Variants in DLGAP2 observed in about 807,000 individuals in gnomAD.
DLGAP2 encodes the protein disks large-associated protein 2.
Under a neutral mutation model 100.3 loss-of-function variants are expected in DLGAP2, and 26 were observed. The ratio of observed to expected loss-of-function variants is 0.26; its 90% CI spans 0.19 to 0.36. The LOEUF (loss-of-function observed/expected upper bound fraction) is 0.36. DLGAP2 is among the 10% of genes least tolerant of loss of function. The pLI is 1.00. For missense variants in DLGAP2, 1,858 were observed against 1,453.2 expected, an observed-to-expected ratio of 1.28 and a Z score of -4.53; for synonymous variants, 886 against 630.1, an observed-to-expected ratio of 1.41 and a Z score of -6.08.
intron 2 of DLGAP2, among the ~76,000 whole-genome samples, chr8:975,242 A>G (rs1384723140): frequency 6.6e-6 from 1 of 152,184 alleles, no homozygotes; most frequent in Non-Finnish European, 1.5e-5. Flanking sequence ...AAATTTAACA[A>G]ATAACTAATA....
At chr8:1,597,187 T>G (rs2957084) in intron 6 of DLGAP2, among the ~76,000 whole-genome samples, 41,285 of 152,058 alleles carry the variant, frequency 0.27, 6,482 homozygotes, top group East Asian at 0.5. Flanking sequence ...ATGTGTGGTG[T>G]TATTTCTGAT....
intron 4 of DLGAP2, among the ~76,000 whole-genome samples, chr8:1,505,489 C>T (rs1018305028): frequency 1.3e-5 from 2 of 152,152 alleles, no homozygotes; most frequent in Admixed American, 6.5e-5. Flanking sequence ...TTAATAAAAC[C>T]GCCCACACTT....
rs192158164 is a variant in DLGAP2 at position 1,149,628 on chromosome 8, A to G, written c.74-109223A>G. ...ATTCTTTAAGCATATAGTTGTTTCTATTTTCATCTGGTCAGACTGTATATA... is the reference window on the plus strand; with the variant it reads ...ATTCTTTAAGCATATAGTTGTTTCTGTTTTCATCTGGTCAGACTGTATATA... On this transcript the variant is annotated intron_variant, in intron 2 of 14. Transcript: ENST00000637795. Among the ~76,000 whole-genome samples the G allele has an allele frequency of 1.3e-3, 200 of 152,208 alleles. 1 individual carries two copies. Among genetic ancestry groups the G allele is most frequent in the African/African-American group, 4.5e-3 (188 of 41,518 alleles).
At chr8:1,427,240 C>T (rs1797260983) in intron 3 of DLGAP2, among the ~76,000 whole-genome samples, 1 of 152,146 alleles carries the variant, frequency 6.6e-6, no homozygotes, top group South Asian at 2.1e-4. Flanking sequence ...AGTATATTTT[C>T]TCAGAAAAGG....
chr8:1,618,256 A>T (rs1000511079), intron 6 of DLGAP2, among the ~76,000 whole-genome samples: 1 of 152,262 alleles, frequency 6.6e-6, no homozygotes, highest in Admixed American at 6.5e-5. Flanking sequence ...AGATCATGCC[A>T]TTCATCAAGG....
At chr8:1,006,292 G>C (rs943171716) in intron 2 of DLGAP2, among the ~76,000 whole-genome samples, 4 of 152,210 alleles carry the variant, frequency 2.6e-5, no homozygotes, top group African/African-American at 7.2e-5. Context: ...ATCACATCGA[G>C]GACGCCATGT....
intron 8 of DLGAP2, among the ~76,000 whole-genome samples, chr8:1,648,388 A>T (rs927407487): frequency 1.2e-4 from 18 of 151,660 alleles, no homozygotes; most frequent in African/African-American, 4.4e-4. Flanking sequence ...AAGAAATAAC[A>T]TTTTTTTTTA....
chr8:875,020 T>C (rs28877282), intron 1 of DLGAP2, among the ~76,000 whole-genome samples: 1 of 151,960 alleles, frequency 6.6e-6, no homozygotes, highest in East Asian at 1.9e-4. Flanking sequence ...GTAGTAACAG[T>C]TTTTGTTTTA....
At chr8:1,006,115 G>A (rs1801101785) in intron 2 of DLGAP2, among the ~76,000 whole-genome samples, 8 of 152,036 alleles carry the variant, frequency 5.3e-5, no homozygotes, top group Admixed American at 5.2e-4. Context: ...CTTGAACCAG[G>A]GAGTCTGACG....
intron 4 of DLGAP2, among the ~76,000 whole-genome samples, chr8:1,533,572 TCTGA>T (rs1423758010): frequency 7.2e-5 from 11 of 152,168 alleles, no homozygotes; most frequent in Non-Finnish European, 1.2e-4. Flanking sequence ...ATAAATACTG[TCTGA>T]CTATTTTCAG....
chr8:737,871 G>T, intron 1 of DLGAP2, 46 bp downstream of exon 1: 1 of 373,620 alleles, frequency 2.7e-6, no homozygotes, highest in East Asian at 3.8e-5. Flanking sequence ...GGGGCTCCGA[G>T]AGCCGTCGAG....
chr8:1,328,186 T>G (rs1190854252), intron 3 of DLGAP2, among the ~76,000 whole-genome samples: 1 of 151,056 alleles, frequency 6.6e-6, no homozygotes, highest in East Asian at 2.0e-4. Flanking sequence ...ACTACAGGCA[T>G]GTGCCACCAC....
intron 6 of DLGAP2, among the ~76,000 whole-genome samples, chr8:1,569,607 A>G (rs1802569678): frequency 6.6e-6 from 1 of 152,192 alleles, no homozygotes; most frequent in South Asian, 2.1e-4. Flanking sequence ...AACGTAATTC[A>G]TTTATTTCCA....
intron 4 of DLGAP2, among the ~76,000 whole-genome samples, chr8:1,513,256 C>T (rs1462406292): frequency 7.0e-6 from 1 of 142,654 alleles, no homozygotes; most frequent in Non-Finnish European, 1.6e-5. Context: ...ACGAGAGAGG[C>T]CACAGGCCAG....
chr8:835,147 C>T (rs1796850039), intron 1 of DLGAP2, among the ~76,000 whole-genome samples: 3 of 152,192 alleles, frequency 2.0e-5, no homozygotes, highest in Non-Finnish European at 2.9e-5. Context: ...GGAGTTAATG[C>T]TCCTCGTCTG....
intron 1 of DLGAP2, among the ~76,000 whole-genome samples, chr8:833,086 G>T (rs890675583): frequency 1.9e-4 from 29 of 152,218 alleles, no homozygotes; most frequent in African/African-American, 6.8e-4. Context: ...CACTGGGGTT[G>T]ATACAGGGCT....
At chr8:887,355 G>A (rs983903360) in intron 1 of DLGAP2, among the ~76,000 whole-genome samples, 6 of 152,136 alleles carry the variant, frequency 3.9e-5, no homozygotes, top group African/African-American at 7.2e-5. Context: ...TTAATTGGGG[G>A]CATTTAGCCC....
intron 7 of DLGAP2, among the ~76,000 whole-genome samples, chr8:1,631,271 C>G (rs1025558638): frequency 2.0e-5 from 3 of 152,052 alleles, no homozygotes; most frequent in African/African-American, 4.8e-5. Context: ...TTAATGGTGT[C>G]TCTTCTTTAG....
chr8:1,204,498 C>T (rs1433600669), intron 2 of DLGAP2, among the ~76,000 whole-genome samples: 2 of 152,176 alleles, frequency 1.3e-5, no homozygotes, highest in African/African-American at 4.8e-5. Flanking sequence ...TTCATCTATT[C>T]GATCTTAGTT....
Sources: gnomAD v4.1 joint callset for allele counts (sites outside exome capture counted in the v4.1 genomes callset) on GRCh38, gnomAD v4.1.1 for gene constraint, MANE v1.5 for transcripts, NCBI Gene and HGNC (gene_info 2026-07-23, HGNC 2026-07-21) for gene names.